KIF6: variants seen among roughly 807,000 people sequenced by gnomAD.
KIF6 encodes the protein kinesin family member 6.
Under a neutral mutation model 112.7 loss-of-function variants are expected in KIF6, and 106 were observed. The ratio of observed to expected loss-of-function variants is 0.94; its 90% confidence interval spans 0.80 to 1.11. The LOEUF (loss-of-function observed/expected upper bound fraction) is 1.11. Among genes scored for constraint, KIF6 ranks in the 50% least tolerant of loss-of-function variants. The pLI is 0.00. For missense variants in KIF6, 929 were observed against 964.0 expected (o/e 0.96, Z 0.48); for synonymous variants, 339 against 339.9 (o/e 1.00, Z 0.03).
chr6:39,539,031 C>T (rs1259040810), intron 13 of KIF6, among the ~76,000 whole-genome samples: 37 of 132,022 alleles, frequency 2.8e-4, no homozygotes, highest in Admixed American at 5.5e-4. Context: ...AACACATCGA[C>T]ACAGGAAGGG....
intron 1 of KIF6, among the ~76,000 whole-genome samples, chr6:39,721,558 G>T (rs572089000): frequency 6.6e-6 from 1 of 152,178 alleles, no homozygotes; most frequent in Admixed American, 6.5e-5. Context: ...AAAATTAAAA[G>T]TCAAGCCTAT....
chr6:39,498,804 T>C (rs75780898), intron 13 of KIF6, among the ~76,000 whole-genome samples: 3,540 of 152,168 alleles, frequency 0.023, 90 homozygotes, highest in African/African-American at 0.064. Context: ...AAAATTGTTA[T>C]AAAAAACAGC....
At chr6:39,613,429 A>G (rs970360192) in intron 5 of KIF6, 111 bp from the exon 6 acceptor site, 1 of 682,250 alleles carries the variant, frequency 1.5e-6, no homozygotes, top group African/African-American at 1.9e-5. Context: ...GAACTTATAA[A>G]AGCAAATAAC....
intron 13 of KIF6, among the ~76,000 whole-genome samples, chr6:39,527,901 T>G (rs976723478): frequency 4.6e-5 from 7 of 152,250 alleles, no homozygotes; most frequent in African/African-American, 7.2e-5. Context: ...TCATGATTTA[T>G]GAATTCAATG....
intron 13 of KIF6, among the ~76,000 whole-genome samples, chr6:39,433,837 C>T (rs976839282): frequency 5.9e-5 from 9 of 152,172 alleles, no homozygotes; most frequent in Non-Finnish European, 1.3e-4. Context: ...AGTGTGTGAG[C>T]CCAGGTCCCA....
At chr6:39,686,770 C>T (rs1008610312) in intron 3 of KIF6, among the ~76,000 whole-genome samples, 1 of 152,200 alleles carries the variant, frequency 6.6e-6, no homozygotes, top group African/African-American at 2.4e-5. Flanking sequence ...CTATTGTACT[C>T]TTTTTAACAA....
chr6:39,608,610 T>C (rs1783024767), intron 6 of KIF6, among the ~76,000 whole-genome samples: 1 of 152,230 alleles, frequency 6.6e-6, no homozygotes, highest in Non-Finnish European at 1.5e-5. Flanking sequence ...TAAAGACCTC[T>C]AATCCCTCTT....
chr6:39,463,900 C>A (rs1383717547), intron 13 of KIF6, among the ~76,000 whole-genome samples: 2 of 152,172 alleles, frequency 1.3e-5, no homozygotes, highest in African/African-American at 4.8e-5. Flanking sequence ...TTCTTCCTCC[C>A]ACATCTCTGT....
chr6:39,535,525 T>C (rs1778366966), intron 13 of KIF6, among the ~76,000 whole-genome samples: 1 of 152,224 alleles, frequency 6.6e-6, no homozygotes, highest in South Asian at 2.1e-4. Flanking sequence ...ATCCTAAATA[T>C]ATATGCAACC....
Position 39,545,579 on chromosome 6 carries a change from T to A in KIF6, c.1287+4A>T. ...GCTTCTATTGGGGAAACATTTAAGT[T>A]TACCTTTAAATGATGAAAACAGTGA... is the stretch of plus-strand genomic sequence containing the variant. On this transcript the variant is annotated splice_donor_region_variant and intron_variant, in intron 11 of 22. Transcript: ENST00000287152. The A allele has an allele frequency of 6.2e-7, 1 of 1,600,394 alleles. No homozygotes were observed. Among genetic ancestry groups the A allele is most frequent in the Non-Finnish European group, 8.6e-7 (1 of 1,168,516 alleles).
rs190137922 is a variant in KIF6, at chr6:39,518,707, T to C, written c.1645+21296A>G. 4.6e-5 allele frequency among the ~76,000 whole-genome samples: 7 copies of C among 152,268 alleles called. No homozygotes were observed. The East Asian group carries it at 1.4e-3, about 29-fold the overall frequency. On this transcript the variant is annotated intron_variant, in intron 13 of 22. Coordinates refer to ENST00000287152, the MANE Select transcript of KIF6 (RefSeq NM_145027.6). Reference sequence around the variant, plus strand: ...TAACTGTTAATAAGACCTGAAAGGGTGAGATAACTGTTCCATGGCACTTCT... The same window carrying C: ...TAACTGTTAATAAGACCTGAAAGGGCGAGATAACTGTTCCATGGCACTTCT...
intron 3 of KIF6, among the ~76,000 whole-genome samples, chr6:39,649,599 T>C (rs957132417): frequency 1.3e-5 from 2 of 152,140 alleles, no homozygotes; most frequent in African/African-American, 2.4e-5. Flanking sequence ...TAAGCACAGA[T>C]ACCACCACTC....
intron 9 of KIF6, among the ~76,000 whole-genome samples, chr6:39,582,429 GA>G (rs1165073806): frequency 6.6e-6 from 1 of 151,704 alleles, no homozygotes; most frequent in Non-Finnish European, 1.5e-5. Context: ...GGCTTTTTTT[GA>G]GATGGAGTTT....
chr6:39,531,175 C>T (rs910606189), intron 13 of KIF6, among the ~76,000 whole-genome samples: 1 of 152,216 alleles, frequency 6.6e-6, no homozygotes, highest in African/African-American at 2.4e-5. Context: ...ATAGAAGTCT[C>T]TTCTTCAAAA....
intron 7 of KIF6, among the ~76,000 whole-genome samples, chr6:39,593,038 A>G (rs1782038470): frequency 6.6e-6 from 1 of 152,164 alleles, no homozygotes; most frequent in African/African-American, 2.4e-5. Flanking sequence ...ATGGATTTCT[A>G]TTATAGGTTT....
At chr6:39,546,717 T>C (rs555261318) in intron 10 of KIF6, among the ~76,000 whole-genome samples, 1 of 151,886 alleles carries the variant, frequency 6.6e-6, no homozygotes, top group South Asian at 2.1e-4. Flanking sequence ...TCCTATCTAC[T>C]TAGGAGGCTG....
intron 10 of KIF6, among the ~76,000 whole-genome samples, chr6:39,548,448 T>C (rs1779181437): frequency 6.6e-6 from 1 of 152,252 alleles, no homozygotes; most frequent in Non-Finnish European, 1.5e-5. Context: ...GGGACTTGAT[T>C]AGTCTAGTAC....
rs1762779213 is a variant in KIF6 at position 39,332,566 on chromosome 6, A to G, written c.*3966T>C. On this transcript the variant is annotated 3_prime_UTR_variant, in exon 23 of 23. Transcript: ENST00000287152. ...CTGAGGCAGTACCTTATGTGTCTCTATACAATGACTGTTTTGGGAGGTTTC... is the reference window on the plus strand; with the variant it reads ...CTGAGGCAGTACCTTATGTGTCTCTGTACAATGACTGTTTTGGGAGGTTTC... The G allele has an allele frequency of 6.6e-6, 1 of 152,194 alleles. No individual in the cohort carries two copies. Among genetic ancestry groups the G allele is most frequent in the South Asian group, 2.1e-4 (1 of 4,826 alleles). 9.4% of individuals were successfully genotyped at this position (152,194 alleles called of 1,614,324 possible).
chr6:39,419,353 C>CAA (rs10682536), intron 15 of KIF6, among the ~76,000 whole-genome samples: 50,752 of 73,628 alleles, frequency 0.69, 18,030 homozygotes, highest in South Asian at 0.84. Flanking sequence ...GACTCTGTCT[C>CAA]AAAAAAAAAA....
Sources: allele counts gnomAD v4.1 joint callset (sites outside exome capture counted in the v4.1 genomes callset), GRCh38; gene constraint gnomAD v4.1.1; transcripts MANE v1.5; gene names NCBI Gene and HGNC (gene_info 2026-07-23, HGNC 2026-07-21).